The following SNX27 variants were observed in gnomAD, a reference collection of about 807,000 sequenced individuals.
SNX27 encodes the protein sorting nexin 27, also known as sorting nexin-27.
Under a neutral mutation model 71.6 loss-of-function variants are expected in SNX27, and 22 were observed. The ratio of observed to expected loss-of-function variants is 0.31; its 90% CI spans 0.22 to 0.44. The LOEUF (loss-of-function observed/expected upper bound fraction) is 0.44. SNX27 is among the 20% of genes least tolerant of loss of function. The pLI, the probability that SNX27 is intolerant of heterozygous loss-of-function variation, is 1.00. For synonymous variants in SNX27, 269 were observed against 277.2 expected (o/e 0.97, Z 0.29); for missense variants, 531 against 698.6 (o/e 0.76, Z 2.70).
chr1:151,675,359 A>G (rs1323470803), intron 7 of SNX27, among the ~76,000 whole-genome samples: 1 of 152,062 alleles, frequency 6.6e-6, no homozygotes, highest in Non-Finnish European at 1.5e-5. Context: ...TCCTACAAGT[A>G]TTTACATGTA....
intron 2 of SNX27, among the ~76,000 whole-genome samples, chr1:151,641,678 ATATC>A: frequency 7.3e-6 from 1 of 137,220 alleles, no homozygotes; most frequent in Admixed American, 7.7e-5. Flanking sequence ...TATATCATAT[ATATC>A]TGATATATAT....
At chr1:151,623,152 T>TA (rs200528002) in intron 1 of SNX27, among the ~76,000 whole-genome samples, 61 of 148,116 alleles carry the variant, frequency 4.1e-4, no homozygotes, top group African/African-American at 6.2e-4. Flanking sequence ...TATATATATA[T>TA]TTTTTTTTTG....
chr1:151,632,407 C>G (rs1464328936), intron 1 of SNX27, among the ~76,000 whole-genome samples: 1 of 152,204 alleles, frequency 6.6e-6, no homozygotes, highest in Non-Finnish European at 1.5e-5. Flanking sequence ...CTGCTCACCT[C>G]AGCTTCCCAA....
chr1:151,687,776 G>C (rs1671246578), intron 8 of SNX27, among the ~76,000 whole-genome samples: 1 of 151,994 alleles, frequency 6.6e-6, no homozygotes. Flanking sequence ...GTGAAACCTC[G>C]TCTCGACTAA....
At chr1:151,666,778 TA>T (rs1670206680) in intron 6 of SNX27, 1 of 152,180 alleles carries the variant, frequency 6.6e-6, no homozygotes, top group Non-Finnish European at 1.5e-5. Flanking sequence ...TTGATTCCCC[TA>T]AAGCAGCCAT....
chr1:151,618,618 T>C (rs995075955), intron 1 of SNX27, among the ~76,000 whole-genome samples: 5 of 152,234 alleles, frequency 3.3e-5, no homozygotes, highest in African/African-American at 1.2e-4. Flanking sequence ...AAGATAATTA[T>C]TTTTCTAGGT....
chr1:151,651,226 G>A (rs1477727555), intron 2 of SNX27, among the ~76,000 whole-genome samples: 1 of 150,296 alleles, frequency 6.7e-6, no homozygotes, highest in Admixed American at 6.6e-5. Flanking sequence ...TGGCCGGGCG[G>A]GGGGCTGACC....
intron 8 of SNX27, 41 bp downstream of exon 8, chr1:151,683,486 C>A: frequency 6.8e-7 from 1 of 1,466,532 alleles, no homozygotes; most frequent in South Asian, 1.2e-5. Flanking sequence ...AATGCCCCTT[C>A]CTACCTTTAA....
chr1:151,654,150 C>T (rs1669568854), intron 2 of SNX27, among the ~76,000 whole-genome samples: 2 of 152,028 alleles, frequency 1.3e-5, no homozygotes, highest in South Asian at 4.1e-4. Flanking sequence ...GGGTTTTTTT[C>T]AGTGTTTTGT....
At chr1:151,621,629 C>G (rs1013160425) in intron 1 of SNX27, among the ~76,000 whole-genome samples, 1 of 152,200 alleles carries the variant, frequency 6.6e-6, no homozygotes, top group African/African-American at 2.4e-5. Flanking sequence ...TTTCAAGAGG[C>G]TGATTACTCT....
chr1:151,670,047 A>C (rs1670391413), intron 7 of SNX27, among the ~76,000 whole-genome samples: 1 of 152,060 alleles, frequency 6.6e-6, no homozygotes, highest in Admixed American at 6.6e-5. Context: ...CCAATTCCCC[A>C]CTACCCTTCC....
chr1:151,658,869 A>G (rs1669825266), intron 3 of SNX27, among the ~76,000 whole-genome samples: 1 of 151,798 alleles, frequency 6.6e-6, no homozygotes, highest in African/African-American at 2.4e-5. Flanking sequence ...ATTTTTTAGT[A>G]GAGACAGGGT....
At chr1:151,624,208 C>T (rs1245493472) in intron 1 of SNX27, among the ~76,000 whole-genome samples, 8 of 151,836 alleles carry the variant, frequency 5.3e-5, no homozygotes. Flanking sequence ...TCAAGCCGTC[C>T]TCCTGCCTTG....
intron 7 of SNX27, chr1:151,669,347 A>G (rs1488060117): frequency 6.6e-6 from 1 of 152,232 alleles, no homozygotes; most frequent in East Asian, 1.9e-4. Flanking sequence ...TATAATAAAC[A>G]CTGTCTTTAC....
intron 2 of SNX27, among the ~76,000 whole-genome samples, chr1:151,651,383 C>A (rs2102659429): frequency 6.9e-6 from 1 of 145,824 alleles, no homozygotes; most frequent in East Asian, 2.1e-4. Context: ...GGGGGGCTGA[C>A]CCCCCCCACC....
intron 1 of SNX27, among the ~76,000 whole-genome samples, chr1:151,627,776 A>G (rs1278602444): frequency 1.3e-5 from 2 of 152,146 alleles, no homozygotes; most frequent in East Asian, 3.9e-4. Context: ...GACATGCATT[A>G]TGTCATATAT....
At chr1:151,620,694 C>CT (rs35641892) in intron 1 of SNX27, among the ~76,000 whole-genome samples, 64,578 of 143,540 alleles carry the variant, frequency 0.45, 16,123 homozygotes, top group Non-Finnish European at 0.58. Context: ...TTTGAAGATG[C>CT]TTTTTTTTTT....
intron 2 of SNX27, among the ~76,000 whole-genome samples, chr1:151,649,929 C>G (rs1669246849): frequency 6.6e-6 from 1 of 151,942 alleles, no homozygotes; most frequent in South Asian, 2.1e-4. Context: ...ACTGTGTCTC[C>G]CAGGCTGGAG....
At chr1:151,643,523 G>A (rs1420537282) in intron 2 of SNX27, among the ~76,000 whole-genome samples, 1 of 151,428 alleles carries the variant, frequency 6.6e-6, no homozygotes, top group Non-Finnish European at 1.5e-5. Context: ...TTGAACTCCT[G>A]ACCTCATGAT....
Sources: allele counts gnomAD v4.1 joint callset (sites outside exome capture counted in the v4.1 genomes callset), GRCh38; gene constraint gnomAD v4.1.1; transcripts MANE v1.5; gene names NCBI Gene and HGNC (gene_info 2026-07-23, HGNC 2026-07-21).